Variants in TMEM192 observed in about 807,000 individuals in gnomAD.
TMEM192 encodes transmembrane protein 192.
In TMEM192, 20 loss-of-function variants were observed where a neutral mutation model predicts 26.7. That is an observed-to-expected ratio of 0.75 (90% CI 0.53 to 1.09). TMEM192 has a LOEUF of 1.09. TMEM192 is among the 50% of genes least tolerant of loss of function. The pLI is 0.00. For missense variants in TMEM192, 304 were observed against 322.6 expected, an observed-to-expected ratio of 0.94 and a Z score of 0.44; for synonymous variants, 124 against 121.0, an observed-to-expected ratio of 1.02 and a Z score of -0.16.
At position 165,070,693 on chromosome 4, in the gene TMEM192, A is replaced by G. The variant is rs1362934817; in HGVS notation, c.*8965T>C. 1 of 152,204 alleles carries G rather than the reference A, an allele frequency of 6.6e-6. No homozygotes were observed. The highest frequency in any genetic ancestry group is 6.5e-5 in the Admixed American group (1 of 15,268). 9.4% of individuals were successfully genotyped at this position (152,204 alleles called of 1,614,324 possible). On this transcript the variant is annotated 3_prime_UTR_variant, in exon 6 of 6. Transcript: ENST00000306480. Reference sequence around the variant, plus strand: ...AACTTTTAAACAAGACCTTAAAAAAATAATCTCTCAGTTCAGGACATCATA... The same window carrying G: ...AACTTTTAAACAAGACCTTAAAAAAGTAATCTCTCAGTTCAGGACATCATA...
intron 5 of TMEM192, among the ~76,000 whole-genome samples, chr4:165,080,336 C>T (rs769024646): frequency 3.9e-5 from 6 of 152,122 alleles, no homozygotes; most frequent in South Asian, 2.1e-4. Flanking sequence ...CTCCTTCCTA[C>T]ACTACTGCCC....
intron 4 of TMEM192, 127 bp from the exon 5 acceptor site, chr4:165,085,815 C>A: frequency 1.5e-6 from 1 of 647,344 alleles, no homozygotes; most frequent in Non-Finnish European, 2.6e-6. Context: ...ATGTGCCAGG[C>A]CTGTTCTAAG....
chr4:165,100,147 TTC>T (rs1490773057), intron 3 of TMEM192, among the ~76,000 whole-genome samples: 1 of 149,174 alleles, frequency 6.7e-6, no homozygotes, highest in East Asian at 2.0e-4. Context: ...GGCTATATAT[TTC>T]ATAATAAAAG....
Position 165,079,597 on chromosome 4 carries a change from T to C in TMEM192, c.*61A>G. The C allele has an allele frequency of 6.6e-7, 1 of 1,522,416 alleles. No individual in the cohort carries two copies. Among genetic ancestry groups the C allele is most frequent in the Admixed American group, 2.1e-5 (1 of 47,270 alleles). 94.3% of individuals were successfully genotyped at this position (1,522,416 alleles called of 1,614,324 possible). A position where few individuals can be genotyped will look rare whatever the true frequency, so the allele number is the denominator to read the frequency against. ...CAGTTCCCCGTGGCAGCTTGTCAGGTGGTCAGTCAGTCTCAATTACTCTGG... is the reference window on the plus strand; with the variant it reads ...CAGTTCCCCGTGGCAGCTTGTCAGGCGGTCAGTCAGTCTCAATTACTCTGG... On this transcript the variant is annotated 3_prime_UTR_variant, in exon 6 of 6. Coordinates refer to ENST00000306480, the MANE Select transcript of TMEM192 (RefSeq NM_001100389.2).
At chr4:165,111,249 C>A (rs142045705) in intron 1 of TMEM192, among the ~76,000 whole-genome samples, 105 of 152,160 alleles carry the variant, frequency 6.9e-4, no homozygotes, top group African/African-American at 2.5e-3. Flanking sequence ...CCCCACCACC[C>A]CACCTGGCTA....
Position 165,087,980 on chromosome 4 carries a change from G to A in TMEM192, c.574+488C>T, listed in dbSNP as rs530759614. Among the ~76,000 whole-genome samples, 5 of 152,276 alleles carry A rather than the reference G, an allele frequency of 3.3e-5. No homozygotes were observed. In the East Asian group the frequency reaches 9.6e-4, roughly 29 times the overall value. ...GCTGGAGTGCAGGCATGTGATCTTG[G>A]CTCACTGCAACCTCTGTCTCCCAGG... is the stretch of plus-strand genomic sequence containing the variant. On this transcript the variant is annotated intron_variant, in intron 4 of 5. Coordinates refer to ENST00000306480, the MANE Select transcript of TMEM192 (RefSeq NM_001100389.2).
chr4:165,097,277 A>C (rs10022711), intron 3 of TMEM192, among the ~76,000 whole-genome samples: 70,167 of 151,916 alleles, frequency 0.46, 17,935 homozygotes, highest in East Asian at 0.58. Flanking sequence ...GGCGGATCAC[A>C]AGGTCAGGAG....
At position 165,074,553 on chromosome 4, in the gene TMEM192, TCTC is replaced by T. The variant is rs199895691; in HGVS notation, c.*5102_*5104del. 5,444 of 152,094 alleles carry T rather than the reference TCTC, an allele frequency of 0.036. 322 individuals are homozygous for T. Among genetic ancestry groups the T allele is most frequent in the African/African-American group, 0.12 (5,150 of 41,416 alleles). The allele number at this position is 152,094 out of a possible 1,614,324, so 9.4% of individuals were successfully genotyped here. On this transcript the variant is annotated 3_prime_UTR_variant, in exon 6 of 6. Transcript: ENST00000306480. ...CCTCCACCTCCCGGGTTCAAGCAAT[TCTC>T]CTGCCTCAGCCTCCTGAGTAGCTGG...
At chr4:165,092,553 G>C (rs2110763911) in intron 3 of TMEM192, among the ~76,000 whole-genome samples, 1 of 152,234 alleles carries the variant, frequency 6.6e-6, no homozygotes, top group Non-Finnish European at 1.5e-5. Context: ...ATTTACTTAT[G>C]AGGACCATTT....
At chr4:165,087,938 C>T (rs1161924710) in intron 4 of TMEM192, among the ~76,000 whole-genome samples, 1 of 152,170 alleles carries the variant, frequency 6.6e-6, no homozygotes, top group African/African-American at 2.4e-5. Context: ...GAGACAGGGT[C>T]TTACTCTGTC....
chr4:165,106,011 G>A (rs1578914230), intron 1 of TMEM192, among the ~76,000 whole-genome samples: 1 of 152,190 alleles, frequency 6.6e-6, no homozygotes, highest in African/African-American at 2.4e-5. Context: ...GAAGCAGAGA[G>A]CAACCCCTCC....
In TMEM192 at chr4:165,072,105, C is replaced by A. The variant is rs1339625292; in HGVS notation, c.*7553G>T. On this transcript the variant is annotated 3_prime_UTR_variant, in exon 6 of 6. Coordinates refer to ENST00000306480, the MANE Select transcript of TMEM192 (RefSeq NM_001100389.2). Reference sequence around the variant, plus strand: ...AAAATAAAAAAAGCACACCTATAATCCCAGCTACTCAGGAGGCTGAGGAAG... The same window carrying A: ...AAAATAAAAAAAGCACACCTATAATACCAGCTACTCAGGAGGCTGAGGAAG... 3 of 152,050 alleles carry A rather than the reference C, an allele frequency of 2.0e-5. No homozygotes were observed. The highest frequency in any genetic ancestry group is 7.3e-5 in the African/African-American group (3 of 41,346). The allele number at this position is 152,050 out of a possible 1,614,324, so 9.4% of individuals were successfully genotyped here.
intron 1 of TMEM192, among the ~76,000 whole-genome samples, chr4:165,109,123 C>A (rs1258650104): frequency 6.6e-6 from 1 of 152,152 alleles, no homozygotes; most frequent in Non-Finnish European, 1.5e-5. Context: ...GAATGGAAGT[C>A]CCTACTGAAC....
chr4:165,088,603 C>T lies in TMEM192; in HGVS notation c.440-1G>A. 1 of 1,607,378 alleles carries T rather than the reference C, an allele frequency of 6.2e-7. No individual in the cohort carries two copies. The highest frequency in any genetic ancestry group is 8.5e-7 in the Non-Finnish European group (1 of 1,176,920). ...AGTATGAGGAGAAGCACTGTGTTGC[C>T]TGAGGAGGAGAAACATAAAACACAG... On this transcript the variant is annotated splice_acceptor_variant, in intron 3 of 5. Coordinates refer to ENST00000306480, the MANE Select transcript of TMEM192 (RefSeq NM_001100389.2). LOFTEE classifies it high-confidence loss of function.
chr4:165,079,909 T>A, intron 5 of TMEM192, 113 bp from the exon 6 acceptor site: 1 of 988,650 alleles, frequency 1.0e-6, no homozygotes. Flanking sequence ...TGCCACCTTT[T>A]CTTAGATGTC....
At chr4:165,107,110 T>A (rs1036792594) in intron 1 of TMEM192, among the ~76,000 whole-genome samples, 1 of 151,436 alleles carries the variant, frequency 6.6e-6, no homozygotes, top group African/African-American at 2.4e-5. Context: ...CTGCAACCTC[T>A]GCTTCCTGGG....
At position 165,103,063 on chromosome 4, in the gene TMEM192, C is replaced by A. The variant is rs762221466; in HGVS notation, c.61G>T (p.Asp21Tyr). The A allele has an allele frequency of 1.2e-6, 2 of 1,612,934 alleles. No individual in the cohort carries two copies. The highest frequency in any genetic ancestry group is 1.7e-6 in the Non-Finnish European group (2 of 1,179,596). Residue 21 changes from aspartate to tyrosine, a missense_variant, in exon 2 of 6, where the codon GAC becomes TAC. By Grantham distance (160) the Asp-to-Tyr change is radical. Transcript: ENST00000306480. ...SLDITQSIED[D>Y]PLLDAQLLPH... is the part of the protein sequence containing the mutation. The stretch of plus-strand genomic sequence containing the variant: ...AGAAGCTGGGCATCCAGAAGTGGGT[C>A]GTCTTCAATACTCTGGGTGATATCC...
intron 3 of TMEM192, among the ~76,000 whole-genome samples, chr4:165,089,153 A>G (rs1272261597): frequency 1.3e-5 from 2 of 152,044 alleles, no homozygotes; most frequent in African/African-American, 4.8e-5. Context: ...GTGAGTGGAC[A>G]AAGTATGATC....
intron 4 of TMEM192, among the ~76,000 whole-genome samples, chr4:165,086,823 A>G (rs1479130754): frequency 6.6e-6 from 1 of 150,852 alleles, no homozygotes. Context: ...ATTCAAGGAG[A>G]ACCTTTCAGG....
Sources: gnomAD v4.1 joint callset for allele counts (sites outside exome capture counted in the v4.1 genomes callset) on GRCh38, gnomAD v4.1.1 for gene constraint, MANE v1.5 for transcripts, NCBI Gene and HGNC (gene_info 2026-07-23, HGNC 2026-07-21) for gene names.